Variants in ZGPAT observed in about 807,000 individuals in gnomAD.
ZGPAT encodes zinc finger CCCH-type with G patch domain-containing protein.
Under a neutral mutation model 47.9 loss-of-function variants are expected in ZGPAT, and 39 were observed. That is an observed-to-expected ratio of 0.81 (90% confidence interval 0.63 to 1.06). ZGPAT has a LOEUF of 1.06. Ranked by LOEUF, ZGPAT falls within the 50% of genes least tolerant of loss-of-function variation. The pLI, the probability that ZGPAT is intolerant of heterozygous loss-of-function variation, is 0.00. For missense variants in ZGPAT, 717 were observed against 681.4 expected (o/e 1.05, Z -0.58); for synonymous variants, 348 against 292.9 (o/e 1.19, Z -1.92).
At chr20:63,732,003 G>A (rs980577605) in intron 2 of ZGPAT, among the ~76,000 whole-genome samples, 5 of 152,160 alleles carry the variant, frequency 3.3e-5, no homozygotes, top group Admixed American at 1.3e-4. Context: ...GTTTGCACAG[G>A]GGGTTTCCCA....
At chr20:63,733,490 C>T in intron 3 of ZGPAT, 97 bp from the exon 4 acceptor site, 3 of 1,607,054 alleles carry the variant, frequency 1.9e-6, no homozygotes, top group Admixed American at 1.7e-5. Context: ...CACCTACCCT[C>T]AGCCTCTGCC....
At chr20:63,718,182 C>G (rs1342732467) in intron 2 of ZGPAT, among the ~76,000 whole-genome samples, 5 of 152,136 alleles carry the variant, frequency 3.3e-5, no homozygotes, top group African/African-American at 1.2e-4. Flanking sequence ...CCACCGCACC[C>G]TGCCACTTGG....
At chr20:63,735,698 C>A in intron 6 of ZGPAT, 83 bp from the exon 7 acceptor site, 1 of 1,534,822 alleles carries the variant, frequency 6.5e-7, no homozygotes, top group Non-Finnish European at 8.8e-7. Flanking sequence ...GGACGGGCAG[C>A]GGGCACACAG....
chr20:63,724,801 G>A (rs991053300), intron 2 of ZGPAT, among the ~76,000 whole-genome samples: 2 of 150,900 alleles, frequency 1.3e-5, no homozygotes, highest in Non-Finnish European at 2.9e-5. Context: ...AGCCTCCCAA[G>A]TAGCTGAGAC....
At chr20:63,734,400 G>C (rs751020463) in intron 4 of ZGPAT, 41 of 468,180 alleles carry the variant, frequency 8.8e-5, no homozygotes, top group Non-Finnish European at 1.4e-4. Context: ...GCCTCGCGAA[G>C]GTGGAGAAGG....
At chr20:63,734,214 G>A (rs768335449) in intron 4 of ZGPAT, 7 of 249,486 alleles carry the variant, frequency 2.8e-5, no homozygotes, top group South Asian at 5.8e-5. Context: ...ATGCGTGTGC[G>A]TGTGTGTGTA....
chr20:63,709,089 TG>T lies in ZGPAT; in HGVS notation c.510del (p.Tyr171ThrfsTer7). ...DGSAGVRVLY[L>X]YPTHKSLKPC... ...TCGGCGGGTGTCCGTGTGCTTTACC[TG>T]TACCCCACTCACAAGTCTCTGAAGC... On this transcript the variant is annotated frameshift_variant, in exon 2 of 7. Transcript: ENST00000355969. LOFTEE classifies it high-confidence loss of function. 1 of 1,613,266 alleles carries T rather than the reference TG, an allele frequency of 6.2e-7. No individual in the cohort carries two copies.
rs1000608168 is a variant in ZGPAT, at chr20:63,733,285, C to T, written c.651C>T (p.Ser217=). 8 of 1,613,616 alleles carry T rather than the reference C, an allele frequency of 5.0e-6. No homozygotes were observed. The highest frequency in any genetic ancestry group is 3.3e-5 in the Admixed American group (2 of 59,986). The change falls in exon 3 of 7, where the codon TCC becomes TCT. Residue 217 remains serine (S), a synonymous_variant. Transcript: ENST00000355969. ...CCTTCCAGGACCCAGACCTGAGCTC[C>T]CTGCAGGCCGGCTCTGCGTGTCTGG... is the stretch of plus-strand genomic sequence containing the variant. ...LRPFQDPDLS[S]LQAGSACLAK... is the part of the protein sequence containing the mutation.
intron 2 of ZGPAT, among the ~76,000 whole-genome samples, chr20:63,723,844 G>A (rs2091816122): frequency 1.3e-5 from 2 of 152,388 alleles, no homozygotes; most frequent in African/African-American, 2.4e-5. Context: ...GCTGAGGTGG[G>A]CAGATCGCCT....
chr20:63,733,802 C>T, intron 4 of ZGPAT, 63 bp downstream of exon 4: 2 of 1,550,048 alleles, frequency 1.3e-6, no homozygotes, highest in East Asian at 2.3e-5. Context: ...AGGCTCCTGG[C>T]CGGTGAGGGC....
intron 2 of ZGPAT, among the ~76,000 whole-genome samples, chr20:63,715,389 G>A (rs867045945): frequency 5.9e-5 from 9 of 151,902 alleles, no homozygotes; most frequent in African/African-American, 1.9e-4. Flanking sequence ...ACAGGTGCCC[G>A]CCACTATGCC....
At chr20:63,723,449 ATAG>A in intron 2 of ZGPAT, among the ~76,000 whole-genome samples, 3 of 148,230 alleles carry the variant, frequency 2.0e-5, no homozygotes, top group South Asian at 2.2e-4. Flanking sequence ...CTCCTCTGGC[ATAG>A]CTCCATCCTC....
intron 2 of ZGPAT, among the ~76,000 whole-genome samples, chr20:63,723,158 TCTC>T (rs751642262): frequency 2.7e-5 from 4 of 147,176 alleles, no homozygotes; most frequent in Admixed American, 6.7e-5. Flanking sequence ...CATCCTCCCT[TCTC>T]CTATGACACA....
chr20:63,732,736 C>A (rs1364063038), intron 2 of ZGPAT, among the ~76,000 whole-genome samples: 1 of 148,744 alleles, frequency 6.7e-6, no homozygotes, highest in African/African-American at 2.5e-5. Context: ...ATGTGTATGT[C>A]TGTATATGTG....
chr20:63,735,576 G>A lies in ZGPAT; in HGVS notation c.1397+12G>A, dbSNP rs559973707. On this transcript the variant is annotated intron_variant, in intron 6 of 6. Coordinates refer to ENST00000355969, the MANE Select transcript of ZGPAT (RefSeq NM_181485.3). Reference sequence around the variant, plus strand: ...CGCAACGCTGGCCGGTACGTGTGGGGCCCAGCTCAGGGCAAAGGGCGACCC... The same window carrying A: ...CGCAACGCTGGCCGGTACGTGTGGGACCCAGCTCAGGGCAAAGGGCGACCC... The A allele has an allele frequency of 2.0e-6, 3 of 1,513,456 alleles. No individual in the cohort carries two copies. Among genetic ancestry groups the A allele is most frequent in the Admixed American group, 4.5e-5 (2 of 44,514 alleles). The allele number at this position is 1,513,456 out of a possible 1,614,324, so 93.8% of individuals were successfully genotyped here.
intron 2 of ZGPAT, among the ~76,000 whole-genome samples, chr20:63,716,158 T>C (rs1013741684): frequency 6.6e-6 from 1 of 152,090 alleles, no homozygotes; most frequent in Admixed American, 6.5e-5. Flanking sequence ...GCCTCCCCAG[T>C]ATCTCGGACT....
chr20:63,731,291 TGA>T (rs1457508139), intron 2 of ZGPAT, among the ~76,000 whole-genome samples: 2 of 142,664 alleles, frequency 1.4e-5, no homozygotes, highest in Non-Finnish European at 3.1e-5. Context: ...GTGATGTGTG[TGA>T]GACTGTGTGT....
In ZGPAT at chr20:63,708,828, G is replaced by A. The variant is rs368081824; in HGVS notation, c.248G>A (p.Arg83Gln). 6.2e-6 allele frequency: 10 copies of A among 1,605,040 alleles called. No individual in the cohort carries two copies. The highest frequency in any genetic ancestry group is 5.3e-5 in the African/African-American group (4 of 74,908). ...RQEDAEYQAF[R>Q]EAITEAVEAP... The stretch of plus-strand genomic sequence containing the variant: ...GAAGATGCTGAGTACCAGGCTTTCC[G>A]GGAGGCCATCACTGAGGCGGTGGAG... The change falls in exon 2 of 7, where the codon CGG (arginine) becomes CAG (glutamine). Residue 83 changes from arginine to glutamine, a missense_variant. Transcript: ENST00000355969.
intron 2 of ZGPAT, among the ~76,000 whole-genome samples, chr20:63,720,406 C>T (rs1333549741): frequency 3.9e-5 from 6 of 152,088 alleles, no homozygotes; most frequent in African/African-American, 4.8e-5. Flanking sequence ...CCTCCTGCCT[C>T]GGCCTCCCAA....
Sources: allele counts gnomAD v4.1 joint callset (sites outside exome capture counted in the v4.1 genomes callset), GRCh38; gene constraint gnomAD v4.1.1; transcripts MANE v1.5; gene names NCBI Gene and HGNC (gene_info 2026-07-23, HGNC 2026-07-21).